DLGAP1: variants seen among roughly 807,000 people sequenced by gnomAD.
The protein encoded by DLGAP1 is disks large-associated protein 1.
A neutral mutation model predicts 90.8 loss-of-function variants in DLGAP1; 11 were observed. The ratio of observed to expected loss-of-function variants is 0.12; its 90% CI spans 0.08 to 0.20. DLGAP1 has a LOEUF of 0.20. Ranked by LOEUF, DLGAP1 falls within the 10% of genes least tolerant of loss-of-function variation. The pLI is 1.00. For synonymous variants in DLGAP1, 558 were observed against 540.7 expected, an observed-to-expected ratio of 1.03 and a Z score of -0.44; for missense variants, 1,050 against 1,333.8, an observed-to-expected ratio of 0.79 and a Z score of 3.31.
chr18:3,685,604 A>C (rs2060675889), intron 7 of DLGAP1, among the ~76,000 whole-genome samples: 1 of 138,556 alleles, frequency 7.2e-6, no homozygotes, highest in African/African-American at 3.1e-5. Context: ...CAGAGACGGT[A>C]CCCTTTAATT....
At chr18:3,675,299 C>A (rs771271589) in intron 7 of DLGAP1, among the ~76,000 whole-genome samples, 3 of 152,052 alleles carry the variant, frequency 2.0e-5, no homozygotes, top group Admixed American at 6.5e-5. Context: ...GGTCTTGAAC[C>A]CCTGACCTCA....
intron 2 of DLGAP1, among the ~76,000 whole-genome samples, chr18:4,031,083 CCATTCCTATTG>C (rs2149129492): frequency 6.6e-6 from 1 of 152,110 alleles, no homozygotes; most frequent in African/African-American, 2.4e-5. Flanking sequence ...AAACATGGCG[CCATTCCTATTG>C]AAGTCAGCAG....
At chr18:3,705,900 C>A (rs187619696) in intron 7 of DLGAP1, among the ~76,000 whole-genome samples, 90 of 151,836 alleles carry the variant, frequency 5.9e-4, no homozygotes, top group Admixed American at 1.3e-3. Context: ...CTCAGGTGAT[C>A]CTCCCTGCTT....
At chr18:4,386,706 G>C (rs1465761838) in intron 1 of DLGAP1, among the ~76,000 whole-genome samples, 1 of 152,158 alleles carries the variant, frequency 6.6e-6, no homozygotes, top group African/African-American at 2.4e-5. Context: ...AGGAAATAGG[G>C]ATATGGGCAG....
intron 1 of DLGAP1, among the ~76,000 whole-genome samples, chr18:4,314,373 T>G (rs765091156): frequency 1.2e-4 from 19 of 152,176 alleles, no homozygotes; most frequent in Non-Finnish European, 2.4e-4. Flanking sequence ...CCTCTGTAAT[T>G]TCTCTAATCA....
chr18:3,872,225 CAAAAAAAA>C (rs5822772), intron 4 of DLGAP1, among the ~76,000 whole-genome samples: 10 of 87,094 alleles, frequency 1.1e-4, no homozygotes, highest in South Asian at 4.2e-4. Context: ...CTCTCCAAGA[CAAAAAAAA>C]AAAAAAAAAA....
intron 4 of DLGAP1, among the ~76,000 whole-genome samples, chr18:3,868,660 T>C (rs2070552952): frequency 6.6e-6 from 1 of 152,196 alleles, no homozygotes; most frequent in African/African-American, 2.4e-5. Flanking sequence ...ATTAAACCCT[T>C]CCTGTGAATT....
chr18:4,111,334 T>C (rs1004935827), intron 2 of DLGAP1, among the ~76,000 whole-genome samples: 5 of 152,140 alleles, frequency 3.3e-5, no homozygotes, highest in Non-Finnish European at 5.9e-5. Flanking sequence ...AAGATTTTCA[T>C]GTCTATATTC....
chr18:4,357,157 C>CTTTTTTTTTTT (rs554248097), intron 1 of DLGAP1, among the ~76,000 whole-genome samples: 6 of 108,704 alleles, frequency 5.5e-5, no homozygotes, highest in African/African-American at 7.2e-5. Flanking sequence ...TGTTTTTTTC[C>CTTTTTTTTTTT]TTTTTTTTTT....
chr18:4,044,992 A>C (rs11877367), intron 2 of DLGAP1, among the ~76,000 whole-genome samples: 28,243 of 151,986 alleles, frequency 0.19, 3,562 homozygotes, highest in African/African-American at 0.36. Context: ...CCCAGCAAAC[A>C]CCAAGATAAA....
At chr18:4,130,701 A>G (rs1165352125) in intron 2 of DLGAP1, among the ~76,000 whole-genome samples, 2 of 152,144 alleles carry the variant, frequency 1.3e-5, no homozygotes, top group Non-Finnish European at 2.9e-5. Flanking sequence ...ACGGACCACA[A>G]GAGAGCGGCA....
chr18:3,667,113 C>G (rs1345279107), intron 7 of DLGAP1, among the ~76,000 whole-genome samples: 1 of 150,786 alleles, frequency 6.6e-6, no homozygotes, highest in Non-Finnish European at 1.5e-5. Context: ...GGGTCTCACT[C>G]TGTTGCCCAG....
intron 1 of DLGAP1, among the ~76,000 whole-genome samples, chr18:4,424,455 A>C (rs1231082741): frequency 6.6e-6 from 1 of 152,214 alleles, no homozygotes; most frequent in Non-Finnish European, 1.5e-5. Flanking sequence ...TTTATTATTA[A>C]GAAAATCTTT....
At chr18:4,062,963 T>C (rs2075319191) in intron 2 of DLGAP1, among the ~76,000 whole-genome samples, 1 of 152,152 alleles carries the variant, frequency 6.6e-6, no homozygotes, top group African/African-American at 2.4e-5. Context: ...AAGATTTCAT[T>C]GCTTCTAACA....
intron 1 of DLGAP1, among the ~76,000 whole-genome samples, chr18:4,205,026 T>G (rs1279913262): frequency 2.0e-5 from 3 of 152,162 alleles, no homozygotes; most frequent in Non-Finnish European, 4.4e-5. Flanking sequence ...AAATTAAGAT[T>G]AAAGATAACA....
rs1454347632 is a variant in DLGAP1, at chr18:4,008,196, C to T, written c.-158-2995G>A. ...CCTGATGCCCCAAACAGAACCAAAC[C>T]CTATATGTAAATAAATAAATATATA... On this transcript the variant is annotated intron_variant, in intron 2 of 12. Transcript: ENST00000315677. Among the ~76,000 whole-genome samples, 4 of 150,212 alleles carry T rather than the reference C, an allele frequency of 2.7e-5. No individual in the cohort carries two copies. The Admixed American group carries it at 2.7e-4, about 10-fold the overall frequency.
At chr18:3,580,885 G>T in intron 8 of DLGAP1, 1 of 944,598 alleles carries the variant, frequency 1.1e-6, no homozygotes, top group South Asian at 1.5e-5. Flanking sequence ...CTGCAGTAGC[G>T]TCTGCCCTGA....
intron 2 of DLGAP1, among the ~76,000 whole-genome samples, chr18:4,146,529 T>C (rs892604736): frequency 5.9e-5 from 9 of 152,314 alleles, no homozygotes; most frequent in African/African-American, 1.9e-4. Context: ...CCAGGGGTTA[T>C]TTGTCCTAAA....
intron 1 of DLGAP1, among the ~76,000 whole-genome samples, chr18:4,355,488 C>G (rs1248608033): frequency 6.6e-6 from 1 of 152,094 alleles, no homozygotes; most frequent in African/African-American, 2.4e-5. Flanking sequence ...AATAAGGGTG[C>G]CACATAGTTA....
Sources: allele counts gnomAD v4.1 joint callset (sites outside exome capture counted in the v4.1 genomes callset), GRCh38; gene constraint gnomAD v4.1.1; transcripts MANE v1.5; gene names NCBI Gene and HGNC (gene_info 2026-07-23, HGNC 2026-07-21).